Variants in RBFOX1 observed in about 807,000 individuals in gnomAD.
RBFOX1 encodes the protein RNA binding protein fox-1 homolog 1.
Under a neutral mutation model 57.7 loss-of-function variants are expected in RBFOX1, and 8 were observed. The ratio of observed to expected loss-of-function variants is 0.14; its 90% CI spans 0.08 to 0.25. RBFOX1 has a LOEUF of 0.25. Ranked by LOEUF, RBFOX1 falls within the 10% of genes least tolerant of loss-of-function variation. The probability of loss-of-function intolerance (pLI) is 1.00; values close to 1 mark genes in which losing one functional copy is unlikely to be tolerated. For synonymous variants in RBFOX1, 326 were observed against 222.4 expected (o/e 1.47, Z -4.15); for missense variants, 611 against 548.5 (o/e 1.11, Z -1.14).
chr16:7,280,245 C>A lies in RBFOX1; in HGVS notation c.27+228147C>A, dbSNP rs111786707. Among the ~76,000 whole-genome samples the A allele has an allele frequency of 5.9e-3, 904 of 152,298 alleles. 12 individuals are homozygous for A. The highest frequency in any genetic ancestry group is 0.02 in the African/African-American group (842 of 41,574). ...TTGCCTTCATTGCAAAATGAGCAAGCTTGTGTTTCAGAGGGCTTAGGTCAC... is the reference window on the plus strand; with the variant it reads ...TTGCCTTCATTGCAAAATGAGCAAGATTGTGTTTCAGAGGGCTTAGGTCAC... On this transcript the variant is annotated intron_variant, in intron 4 of 15. Transcript: ENST00000550418.
intron 1 of RBFOX1, among the ~76,000 whole-genome samples, chr16:6,218,289 ATTT>A (rs2097349287): frequency 6.6e-6 from 1 of 151,724 alleles, no homozygotes; most frequent in South Asian, 2.1e-4. Flanking sequence ...TTATTTATTT[ATTT>A]ATTTATTTAT....
intron 3 of RBFOX1, among the ~76,000 whole-genome samples, chr16:7,045,944 C>T (rs749864309): frequency 1.3e-5 from 2 of 152,142 alleles, no homozygotes; most frequent in Admixed American, 1.3e-4. Context: ...AGGTGTGAGC[C>T]ACCATGCCCG....
At chr16:6,814,250 TG>T (rs1555496108) in intron 3 of RBFOX1, among the ~76,000 whole-genome samples, 5 of 146,238 alleles carry the variant, frequency 3.4e-5, no homozygotes, top group South Asian at 2.2e-4. Flanking sequence ...AAAATTGTGG[TG>T]GGGGGGAGGG....
At chr16:5,675,310 C>G (rs1321174861) in intron 3 of RBFOX1, among the ~76,000 whole-genome samples, 1 of 152,218 alleles carries the variant, frequency 6.6e-6, no homozygotes, top group East Asian at 1.9e-4. Flanking sequence ...AAGGGATGAA[C>G]CAGCCCAGGA....
At chr16:7,019,521 CCT>C (rs2153669267) in intron 3 of RBFOX1, among the ~76,000 whole-genome samples, 1 of 152,150 alleles carries the variant, frequency 6.6e-6, no homozygotes, top group Non-Finnish European at 1.5e-5. Context: ...AGCCCATGGT[CCT>C]CTCTCTCCTC....
chr16:7,319,615 A>G (rs191310295), intron 4 of RBFOX1, among the ~76,000 whole-genome samples: 207 of 152,278 alleles, frequency 1.4e-3, no homozygotes, highest in African/African-American at 4.6e-3. Flanking sequence ...GGGCCTCAGA[A>G]GAGATTTCAG....
At chr16:6,609,022 C>T (rs924501169) in intron 2 of RBFOX1, among the ~76,000 whole-genome samples, 12 of 152,204 alleles carry the variant, frequency 7.9e-5, no homozygotes, top group South Asian at 2.1e-4. Context: ...TGACCTGACC[C>T]TTCTGTCTCC....
At chr16:7,199,989 T>C (rs1264084156) in intron 4 of RBFOX1, among the ~76,000 whole-genome samples, 1 of 152,238 alleles carries the variant, frequency 6.6e-6, no homozygotes, top group African/African-American at 2.4e-5. Flanking sequence ...AATCTCATTC[T>C]TGAATGTGCT....
intron 3 of RBFOX1, among the ~76,000 whole-genome samples, chr16:6,960,108 G>T (rs1208135877): frequency 6.6e-6 from 1 of 152,056 alleles, no homozygotes; most frequent in African/African-American, 2.4e-5. Context: ...AGTGTATTGG[G>T]GGTCTGAAGA....
intron 4 of RBFOX1, among the ~76,000 whole-genome samples, chr16:5,957,731 T>G (rs536162348): frequency 1.7e-4 from 26 of 152,320 alleles, no homozygotes; most frequent in African/African-American, 6.0e-4. Context: ...TGAGATGTTT[T>G]GATACACGCA....
chr16:7,386,585 A>G (rs905687593), intron 4 of RBFOX1, among the ~76,000 whole-genome samples: 2 of 152,088 alleles, frequency 1.3e-5, no homozygotes, highest in Non-Finnish European at 2.9e-5. Context: ...ATAGTATTCC[A>G]TGGTGTATAT....
chr16:6,463,337 A>G (rs2094962978), intron 2 of RBFOX1, among the ~76,000 whole-genome samples: 1 of 152,168 alleles, frequency 6.6e-6, no homozygotes, highest in Non-Finnish European at 1.5e-5. Flanking sequence ...GAACTCTATT[A>G]ACTCAGGTCA....
In RBFOX1 at chr16:6,847,402, A is replaced by G. The variant is rs1188575692; in HGVS notation, c.-16+192752A>G. On this transcript the variant is annotated intron_variant, in intron 3 of 15. Coordinates refer to ENST00000550418, the MANE Select transcript of RBFOX1 (RefSeq NM_018723.4). ...GTGTGCACATTCTGGGGCCGGGTCT[A>G]GGGGAAGCAGCCGTCTAGACTGCTT... is the stretch of plus-strand genomic sequence containing the variant. Among the ~76,000 whole-genome samples the G allele has an allele frequency of 3.3e-5, 5 of 152,108 alleles. 1 individual carries two copies. The South Asian group carries it at 8.3e-4, about 25-fold the overall frequency.
chr16:5,380,391 T>G (rs2066101622), intron 1 of RBFOX1, among the ~76,000 whole-genome samples: 1 of 152,176 alleles, frequency 6.6e-6, no homozygotes. Flanking sequence ...CATTAAAATA[T>G]CCCCACAACT....
At chr16:7,085,689 G>A (rs1421246683) in intron 4 of RBFOX1, among the ~76,000 whole-genome samples, 3 of 152,130 alleles carry the variant, frequency 2.0e-5, no homozygotes, top group African/African-American at 7.2e-5. Context: ...GAGAATTTGT[G>A]GGGATCATGT....
chr16:7,400,474 A>G (rs985241058), intron 4 of RBFOX1, among the ~76,000 whole-genome samples: 1 of 152,182 alleles, frequency 6.6e-6, no homozygotes, highest in African/African-American at 2.4e-5. Context: ...TTTTTAATTT[A>G]AATTTATAGT....
At chr16:5,595,980 C>G (rs1020831482) in intron 2 of RBFOX1, among the ~76,000 whole-genome samples, 1 of 152,126 alleles carries the variant, frequency 6.6e-6, no homozygotes, top group African/African-American at 2.4e-5. Flanking sequence ...TCTTCTGTCT[C>G]CTAGGAGTGA....
At chr16:7,071,647 A>G (rs535683126) in intron 4 of RBFOX1, among the ~76,000 whole-genome samples, 1 of 145,370 alleles carries the variant, frequency 6.9e-6, no homozygotes, top group South Asian at 2.1e-4. Flanking sequence ...TGGGTAATTT[A>G]TACATACATA....
intron 4 of RBFOX1, among the ~76,000 whole-genome samples, chr16:7,298,488 C>A (rs961370202): frequency 2.6e-5 from 4 of 152,004 alleles, no homozygotes; most frequent in African/African-American, 9.6e-5. Context: ...GAGAGGGTTT[C>A]ACCATCTTGG....
Sources: allele counts gnomAD v4.1 joint callset (sites outside exome capture counted in the v4.1 genomes callset), GRCh38; gene constraint gnomAD v4.1.1; transcripts MANE v1.5; gene names NCBI Gene and HGNC (gene_info 2026-07-23, HGNC 2026-07-21).